RMDN3: variants seen among roughly 807,000 people sequenced by gnomAD.
RMDN3 encodes the protein regulator of microtubule dynamics 3.
In RMDN3, 41 loss-of-function variants were observed where a neutral mutation model predicts 61.8. The ratio of observed to expected loss-of-function variants is 0.66; its 90% confidence interval spans 0.52 to 0.86. The LOEUF (loss-of-function observed/expected upper bound fraction) is 0.86, where lower values mean the gene tolerates loss of function less well. RMDN3 is among the 40% of genes least tolerant of loss of function. RMDN3 has a pLI of 0.00. For missense variants in RMDN3, 557 were observed against 585.3 expected, an observed-to-expected ratio of 0.95 and a Z score of 0.50; for synonymous variants, 247 against 232.0, an observed-to-expected ratio of 1.06 and a Z score of -0.59.
chr15:40,741,547 C>G (rs907373534), intron 6 of RMDN3, among the ~76,000 whole-genome samples: 4 of 150,202 alleles, frequency 2.7e-5, no homozygotes, highest in African/African-American at 9.8e-5. Context: ...TTAAGAGTAT[C>G]GAGGCTGGAG....
At position 40,754,691 on chromosome 15, in the gene RMDN3, G is replaced by A. The variant is rs1327742786; in HGVS notation, c.93C>T (p.Tyr31=). ...GCTGGGTCCGTTTCCATCGCTGGCT[G>A]TAAAGGAGGCACAGGAATCCAAGGC... ...AAGLGFLCLL[Y]SQRWKRTQRH... The change falls in exon 2 of 13, where the codon TAC becomes TAT. Residue 31 remains tyrosine, a synonymous_variant. Transcript: ENST00000338376. The A allele has an allele frequency of 6.2e-7, 1 of 1,614,112 alleles. No individual in the cohort carries two copies.
intron 4 of RMDN3, chr15:40,747,704 G>A (rs1426424615): frequency 7.6e-6 from 1 of 131,914 alleles, no homozygotes; most frequent in Non-Finnish European, 1.7e-5. Flanking sequence ...GCACTCCGGA[G>A]GACAGGAGTT....
intron 2 of RMDN3, among the ~76,000 whole-genome samples, chr15:40,753,630 G>C (rs1414014718): frequency 6.6e-6 from 1 of 152,228 alleles, no homozygotes; most frequent in Non-Finnish European, 1.5e-5. Flanking sequence ...TGACAAATCT[G>C]CAAGAACTAC....
chr15:40,754,686 T>C lies in RMDN3; in HGVS notation c.98A>G (p.Gln33Arg), dbSNP rs760011639. ...ATGACGCTGGGTCCGTTTCCATCGCTGGCTGTAAAGGAGGCACAGGAATCC... is the reference window on the plus strand; with the variant it reads ...ATGACGCTGGGTCCGTTTCCATCGCCGGCTGTAAAGGAGGCACAGGAATCC... The part of the protein sequence containing the change: ...GLGFLCLLYS[Q>R]RWKRTQRHGR... The change falls in exon 2 of 13, where the codon CAG becomes CGG. Residue 33 changes from glutamine (Q) to arginine (R), a missense_variant. Gln to Arg is a conservative substitution (Grantham distance 43). Coordinates refer to ENST00000338376, the MANE Select transcript of RMDN3 (RefSeq NM_018145.3). 5 of 1,613,986 alleles carry C rather than the reference T, an allele frequency of 3.1e-6. No homozygotes were observed. The African/African-American group carries it at 4.0e-5, about 13-fold the overall frequency.
At chr15:40,755,041 A>AC in intron 1 of RMDN3, 42 bp downstream of exon 1, 2 of 422,074 alleles carry the variant, frequency 4.7e-6, no homozygotes, top group Middle Eastern at 6.2e-4. Flanking sequence ...ACACCCCCCG[A>AC]CCCGGGTCAC....
At chr15:40,747,039 C>T (rs1451049354) in intron 4 of RMDN3, among the ~76,000 whole-genome samples, 1 of 152,226 alleles carries the variant, frequency 6.6e-6, no homozygotes, top group Non-Finnish European at 1.5e-5. Context: ...ACCAGAGTCT[C>T]CTCTGCCCAG....
chr15:40,739,059 G>C lies in RMDN3; in HGVS notation c.972-483C>G, dbSNP rs1307586483. ...TCTTAGGATAGTCACATTGGGAGGG[G>C]ATATTCTAGGAATTTCTGATGTTAC... On this transcript the variant is annotated intron_variant, in intron 7 of 12. Transcript: ENST00000338376. 1.1e-4 allele frequency: 17 copies of C among 152,640 alleles called. 1 individual carries two copies. Among genetic ancestry groups the C allele is most frequent in the Admixed American group, 1.1e-3 (17 of 15,308 alleles). 9.5% of individuals were successfully genotyped at this position (152,640 alleles called of 1,614,324 possible). A position where few individuals can be genotyped will look rare whatever the true frequency, so the allele number is the denominator to read the frequency against.
At chr15:40,738,992 C>T (rs189243769) in intron 7 of RMDN3, 3 of 166,874 alleles carry the variant, frequency 1.8e-5, no homozygotes. Flanking sequence ...TCTCATTAGC[C>T]TTTAAGCATA....
chr15:40,744,831 G>C, intron 5 of RMDN3, 146 bp downstream of exon 5: 2 of 874,534 alleles, frequency 2.3e-6, no homozygotes, highest in Non-Finnish European at 3.4e-6. Flanking sequence ...CTGGGGGACA[G>C]ATGCAAAACC....
chr15:40,753,136 T>C (rs1156508369), intron 2 of RMDN3, among the ~76,000 whole-genome samples: 1 of 152,184 alleles, frequency 6.6e-6, no homozygotes, highest in Non-Finnish European at 1.5e-5. Flanking sequence ...TCTAAGCTGA[T>C]AGCTCTTTGA....
At position 40,737,727 on chromosome 15, in the gene RMDN3, C is replaced by T; in HGVS notation, c.1126-1G>A. Reference sequence around the variant, plus strand: ...TTTCTAGCCAGCTCAGGTGAGAGACCTGCCACAAAAAGATCAAGGTGTGTA... The same window carrying T: ...TTTCTAGCCAGCTCAGGTGAGAGACTTGCCACAAAAAGATCAAGGTGTGTA... On this transcript the variant is annotated splice_acceptor_variant, in intron 9 of 12. Coordinates refer to ENST00000338376, the MANE Select transcript of RMDN3 (RefSeq NM_018145.3). LOFTEE classifies it high-confidence loss of function. The T allele has an allele frequency of 6.2e-7, 1 of 1,613,716 alleles. No homozygotes were observed. Among genetic ancestry groups the T allele is most frequent in the Non-Finnish European group, 8.5e-7 (1 of 1,179,824 alleles).
chr15:40,738,732 T>C (rs1032823066), intron 7 of RMDN3, 156 bp from the exon 8 acceptor site: 5 of 669,340 alleles, frequency 7.5e-6, no homozygotes, highest in Non-Finnish European at 1.3e-5. Flanking sequence ...ATCCCCATTC[T>C]TTACGGACCT....
At chr15:40,747,150 C>A (rs1897605675) in intron 4 of RMDN3, among the ~76,000 whole-genome samples, 1 of 152,216 alleles carries the variant, frequency 6.6e-6, no homozygotes, top group Admixed American at 6.5e-5. Context: ...CTATTTCTTG[C>A]TGAGTTGAGG....
At chr15:40,736,932 C>T (rs1176090334) in intron 12 of RMDN3, among the ~76,000 whole-genome samples, 192 bp downstream of exon 12, 1 of 152,166 alleles carries the variant, frequency 6.6e-6, no homozygotes, top group African/African-American at 2.4e-5. Flanking sequence ...GAGCTCACTG[C>T]AACCTCCACC....
Position 40,736,462 on chromosome 15 carries a change from G to GCAAGGTCT in RMDN3, c.*71_*78dup, listed in dbSNP as rs1214139423. ...AGATTTGTGTGGTTTCCTGATCTCA[G>GCAAGGTCT]CAAGGTCTAAGGAAAAAAGCCTCCC... On this transcript the variant is annotated 3_prime_UTR_variant, in exon 13 of 13. Transcript: ENST00000338376. 21 of 1,306,660 alleles carry GCAAGGTCT rather than the reference G, an allele frequency of 1.6e-5. No individual in the cohort carries two copies. Among genetic ancestry groups the GCAAGGTCT allele is most frequent in the Non-Finnish European group, 2.3e-5 (21 of 904,710 alleles). 80.9% of individuals were successfully genotyped at this position (1,306,660 alleles called of 1,614,324 possible). A position where few individuals can be genotyped will look rare whatever the true frequency, so the allele number is the denominator to read the frequency against.
intron 4 of RMDN3, among the ~76,000 whole-genome samples, chr15:40,751,070 G>A (rs1328943921): frequency 6.6e-6 from 1 of 152,202 alleles, no homozygotes. Context: ...TCCCAGGGAG[G>A]AGCATGCTTC....
intron 2 of RMDN3, among the ~76,000 whole-genome samples, chr15:40,752,921 T>G (rs553915344): frequency 2.6e-5 from 4 of 152,174 alleles, no homozygotes; most frequent in Non-Finnish European, 5.9e-5. Context: ...AAAGGAAATC[T>G]GGTAAAAAAC....
chr15:40,737,439 G>T, intron 10 of RMDN3, 98 bp from the exon 11 acceptor site: 1 of 1,244,328 alleles, frequency 8.0e-7, no homozygotes, highest in Non-Finnish European at 1.2e-6. Flanking sequence ...CCATGTGGCT[G>T]ATTCAGTGGG....
intron 5 of RMDN3, 144 bp downstream of exon 5, chr15:40,744,833 T>C (rs1163492164): frequency 5.5e-6 from 5 of 906,354 alleles, no homozygotes; most frequent in Non-Finnish European, 8.2e-6. Flanking sequence ...GGGGGACAGA[T>C]GCAAAACCAG....
Sources: gnomAD v4.1 joint callset for allele counts (sites outside exome capture counted in the v4.1 genomes callset) on GRCh38, gnomAD v4.1.1 for gene constraint, MANE v1.5 for transcripts, NCBI Gene and HGNC (gene_info 2026-07-23, HGNC 2026-07-21) for gene names.